The following TRPM4 variants were observed in gnomAD, a reference collection of about 807,000 sequenced individuals.
TRPM4 encodes the protein transient receptor potential cation channel subfamily M member 4.
In TRPM4, 124 loss-of-function variants were observed where a neutral mutation model predicts 135.6. The observed-to-expected ratio is 0.91, with a 90% CI of 0.79 to 1.06. The LOEUF is 1.06. Among genes scored for constraint, TRPM4 ranks in the 50% least tolerant of loss-of-function variants. The pLI is 0.00. For missense variants in TRPM4, 1,658 were observed against 1,671.4 expected (o/e 0.99, Z 0.14); for synonymous variants, 745 against 705.6 (o/e 1.06, Z -0.88).
In TRPM4 at chr19:49,211,572, G is replaced by T; in HGVS notation, c.*74G>T. 7 of 1,595,028 alleles carry T rather than the reference G, an allele frequency of 4.4e-6. No individual in the cohort carries two copies. Among genetic ancestry groups the T allele is most frequent in the Non-Finnish European group, 5.2e-6 (6 of 1,164,244 alleles). ...CTAGAGTAAGGCTCATCTGGGCCTC[G>T]GCCCCCGCACCTGGTGGCCTTGTCC... On this transcript the variant is annotated 3_prime_UTR_variant, in exon 25 of 25. Transcript: ENST00000252826. This position sits in a 1 kb window ranked among gnomAD's most constrained non-coding sequence, Gnocchi z 4.8.
chr19:49,193,120 GCCCAGGCTGGAGTGCAGTGGCAT>G (rs1184951100), intron 16 of TRPM4, among the ~76,000 whole-genome samples: 114 of 141,360 alleles, frequency 8.1e-4, no homozygotes, highest in African/African-American at 3.0e-3. Context: ...TTACTCTGTC[GCCCAGGCTGGAGTGCAGTGGCAT>G]GATCTCGGCT....
intron 20 of TRPM4, among the ~76,000 whole-genome samples, chr19:49,203,910 C>A (rs538817148): frequency 6.6e-6 from 1 of 151,882 alleles, no homozygotes; most frequent in Non-Finnish European, 1.5e-5. Flanking sequence ...GGTGGATCAC[C>A]TGAGGTCAGG....
At chr19:49,159,895 A>G (rs1966899775) in intron 2 of TRPM4, 1 of 152,204 alleles carries the variant, frequency 6.6e-6, no homozygotes, top group East Asian at 1.9e-4. Flanking sequence ...TAAATGATGG[A>G]TAAATAAACA....
At chr19:49,157,920 G>A in intron 1 of TRPM4, 30 bp downstream of exon 1, 1 of 1,534,666 alleles carries the variant, frequency 6.5e-7, no homozygotes, top group South Asian at 1.2e-5. Context: ...CTGCGGGAGC[G>A]CGGAGCTGGG....
Position 49,168,650 on chromosome 19 carries a change from A to G in TRPM4, c.710A>G (p.Asp237Gly). The change falls in exon 6 of 25, where the codon GAC becomes GGC. Residue 237 changes from aspartate (D) to glycine (G), a missense_variant. By Grantham distance (94) the Asp-to-Gly change is moderately conservative (BLOSUM62 -1). Coordinates refer to ENST00000252826, the MANE Select transcript of TRPM4 (RefSeq NM_017636.4). ...YNYSAFFLVDDGTHGCLGGEN... is the reference protein window; with the variant it reads ...YNYSAFFLVDGGTHGCLGGEN... ...TACTCGGCCTTCTTCCTGGTGGACG[A>G]CGGCACACACGGCTGCCTGGGGGGC... is the stretch of plus-strand genomic sequence containing the variant. 1 of 1,613,228 alleles carries G rather than the reference A, an allele frequency of 6.2e-7. No homozygotes were observed. Among genetic ancestry groups the G allele is most frequent in the Non-Finnish European group, 8.5e-7 (1 of 1,179,900 alleles).
intron 19 of TRPM4, among the ~76,000 whole-genome samples, chr19:49,201,642 G>A (rs536858192): frequency 1.1e-3 from 175 of 152,332 alleles, no homozygotes; most frequent in Non-Finnish European, 2.0e-3. Context: ...TTGTTGCCCA[G>A]GCTGGAGTGC....
intron 16 of TRPM4, 58 bp downstream of exon 16, chr19:49,190,831 G>T: frequency 6.6e-7 from 1 of 1,506,210 alleles, no homozygotes; most frequent in Middle Eastern, 1.8e-4. Context: ...TTCAGGACAT[G>T]TGCCAGTTCC....
intron 20 of TRPM4, among the ~76,000 whole-genome samples, chr19:49,206,654 G>C (rs1349539238): frequency 6.6e-6 from 1 of 151,964 alleles, no homozygotes; most frequent in East Asian, 1.9e-4. Flanking sequence ...GGTCAGGCTG[G>C]TCTCGAACTC....
At chr19:49,160,482 T>C (rs1354373183) in intron 2 of TRPM4, among the ~76,000 whole-genome samples, 4 of 109,662 alleles carry the variant, frequency 3.6e-5, no homozygotes, top group African/African-American at 1.2e-4. Flanking sequence ...AGACTCCATC[T>C]CAAAAAAAAA....
rs753146428 is a variant in TRPM4 at position 49,210,385 on chromosome 19, C to T, written c.3308C>T (p.Ser1103Phe). The change falls in exon 21 of 25, where the codon TCC becomes TTC. Residue 1103 changes from serine to phenylalanine, a missense_variant. This residue lies in a region of TRPM4 where 1,412 missense variants were observed against 1,408.7 expected (regional missense o/e 1.00). Transcript: ENST00000252826. This position sits in a 1 kb window ranked among gnomAD's most constrained non-coding sequence, Gnocchi z 4.1. ...CGACCCCGGAGCCCCCAGCCGTCCT[C>T]CCCGGCCCTCGAGCATTTCCGTAAG... ...CRRPRSPQPS[S>F]PALEHFRVYL... is the part of the protein sequence containing the mutation. 16 of 1,613,852 alleles carry T rather than the reference C, an allele frequency of 9.9e-6. No individual in the cohort carries two copies. The African/African-American group carries it at 1.9e-4, about 19-fold the overall frequency.
chr19:49,197,345 TTTCTTTCTTTCTTTCTTTC>T (rs1968717149), intron 17 of TRPM4, among the ~76,000 whole-genome samples: 1 of 126,050 alleles, frequency 7.9e-6, no homozygotes, highest in African/African-American at 4.1e-5. Context: ...TCTTTCTTTC[TTTCTTTCTTTCTTTCTTTC>T]TCTCTCTTTC....
At chr19:49,188,840 T>C (rs1208057863) in intron 13 of TRPM4, 70 bp downstream of exon 13, 3 of 1,612,476 alleles carry the variant, frequency 1.9e-6, no homozygotes, top group Non-Finnish European at 2.5e-6. Context: ...AACTCCGCAC[T>C]CCTCACATAT....
chr19:49,198,603 A>AT (rs1968786310), intron 17 of TRPM4, among the ~76,000 whole-genome samples: 1 of 149,180 alleles, frequency 6.7e-6, no homozygotes, highest in Non-Finnish European at 1.5e-5. Flanking sequence ...AGCCAAGATC[A>AT]TGCCACTGCA....
At chr19:49,207,693 C>G (rs1600536362) in intron 20 of TRPM4, among the ~76,000 whole-genome samples, 1 of 147,722 alleles carries the variant, frequency 6.8e-6, no homozygotes, top group South Asian at 2.1e-4. Flanking sequence ...GCAATCCCAG[C>G]ACTTTGGGAG....
At chr19:49,172,913 C>T (rs1459183510) in intron 9 of TRPM4, among the ~76,000 whole-genome samples, 6 of 149,700 alleles carry the variant, frequency 4.0e-5, no homozygotes, top group African/African-American at 7.5e-5. Context: ...TTCCTCCATC[C>T]GTCTTCTCAC....
chr19:49,181,828 G>A (rs533181859), intron 10 of TRPM4, among the ~76,000 whole-genome samples: 1 of 151,834 alleles, frequency 6.6e-6, no homozygotes, highest in African/African-American at 2.4e-5. Flanking sequence ...CACCGCACCC[G>A]GCCTCTCTGC....
chr19:49,185,255 G>C (rs888932674), intron 12 of TRPM4, among the ~76,000 whole-genome samples: 1 of 148,888 alleles, frequency 6.7e-6, no homozygotes, highest in Non-Finnish European at 1.5e-5. Flanking sequence ...TGTTGTTCTT[G>C]TTGTTGTTGT....
intron 16 of TRPM4, among the ~76,000 whole-genome samples, chr19:49,193,168 C>T (rs1461099386): frequency 1.3e-5 from 2 of 151,026 alleles, no homozygotes; most frequent in African/African-American, 2.4e-5. Context: ...GCAAGCTCCT[C>T]CTCCCGGGTT....
chr19:49,211,230 C>T lies in TRPM4; in HGVS notation c.3601C>T (p.Pro1201Ser), dbSNP rs769645447. ...EALSRSALLP[P>S]GGPPPPDLPG... The stretch of plus-strand genomic sequence containing the variant: ...CCTGAGCCGCTCTGCCTTGCTGCCC[C>T]CAGGTGGGCCGCCACCCCCTGACCT... The change falls in exon 24 of 25, where the codon CCA becomes TCA. Residue 1201 changes from proline (P) to serine (S), a missense_variant. Physicochemically the swap from Pro to Ser is moderately conservative, Grantham distance 74. Coordinates refer to ENST00000252826, the MANE Select transcript of TRPM4 (RefSeq NM_017636.4). The surrounding 1 kb of genome is among the most constrained non-coding windows in gnomAD (Gnocchi z 4.8). 1 of 1,592,816 alleles carries T rather than the reference C, an allele frequency of 6.3e-7. No individual in the cohort carries two copies. Among genetic ancestry groups the T allele is most frequent in the South Asian group, 1.1e-5 (1 of 88,304 alleles).
Sources: allele counts gnomAD v4.1 joint callset (sites outside exome capture counted in the v4.1 genomes callset), GRCh38; gene constraint gnomAD v4.1.1; regional missense constraint gnomAD v4.1.1; non-coding constraint Gnocchi (gnomAD v3.1); transcripts MANE v1.5; gene names NCBI Gene and HGNC (gene_info 2026-07-23, HGNC 2026-07-21).